The following ACSL1 variants were observed in gnomAD, a reference collection of about 807,000 sequenced individuals.
ACSL1 encodes the protein acyl-CoA synthetase long chain family member 1.
In ACSL1, 41 loss-of-function variants were observed where a neutral mutation model predicts 98.4. The observed-to-expected ratio is 0.42, with a 90% CI of 0.32 to 0.54. ACSL1 has a LOEUF of 0.54. ACSL1 is among the 20% of genes least tolerant of loss of function. ACSL1 has a pLI of 0.13. For synonymous variants in ACSL1, 316 were observed against 322.7 expected (o/e 0.98, Z 0.22); for missense variants, 734 against 883.1 (o/e 0.83, Z 2.14).
intron 1 of ACSL1, among the ~76,000 whole-genome samples, chr4:184,814,354 T>C (rs1192004234): frequency 6.7e-6 from 1 of 148,536 alleles, no homozygotes; most frequent in Non-Finnish European, 1.5e-5. Context: ...CTTTCCATCA[T>C]GAACATCATG....
Position 184,773,112 on chromosome 4 carries a change from C to T in ACSL1, c.884G>A (p.Ser295Asn). 1 of 1,614,038 alleles carries T rather than the reference C, an allele frequency of 6.2e-7. No individual in the cohort carries two copies. The highest frequency in any genetic ancestry group is 8.5e-7 in the Non-Finnish European group (1 of 1,179,898). ...GAMVTHRNIV[S>N]DCSAFVKATE... is the part of the protein sequence containing the mutation. Reference sequence around the variant, plus strand: ...TGCTTTCACAAAAGCTGAACAATCGCTCACTATGTTTCGGTGAGTGACCAT... The same window carrying T: ...TGCTTTCACAAAAGCTGAACAATCGTTCACTATGTTTCGGTGAGTGACCAT... The change falls in exon 10 of 21, where the codon AGC becomes AAC. Residue 295 changes from serine to asparagine, a missense_variant. Coordinates refer to ENST00000281455, the MANE Select transcript of ACSL1 (RefSeq NM_001995.5). The surrounding 1 kb of genome is among the most constrained non-coding windows in gnomAD (Gnocchi z 4.3).
At chr4:184,767,818 C>A (rs773243480) in intron 12 of ACSL1, among the ~76,000 whole-genome samples, 1 of 152,228 alleles carries the variant, frequency 6.6e-6, no homozygotes, top group Non-Finnish European at 1.5e-5. Context: ...ATGATACCCA[C>A]CGCAGAGGGG....
Position 184,778,329 on chromosome 4 carries a change from T to G in ACSL1, c.478-1346A>C, listed in dbSNP as rs536688314. 6.6e-5 allele frequency among the ~76,000 whole-genome samples: 10 copies of G among 152,362 alleles called. 1 individual carries two copies. The highest frequency in any genetic ancestry group is 3.4e-3 in the Middle Eastern group (1 of 294). On this transcript the variant is annotated intron_variant, in intron 5 of 20. Coordinates refer to ENST00000281455, the MANE Select transcript of ACSL1 (RefSeq NM_001995.5). ...TCCACTTGGCCTGGAACTAGGCTTC[T>G]GAGTTTCGGTTTTTTCCCAGAAGGA...
rs1427444210 is a variant in ACSL1, at chr4:184,788,865, T to TTA, written c.196-135_196-134insTA. On this transcript the variant is annotated intron_variant, in intron 2 of 20. Transcript: ENST00000281455. The stretch of plus-strand genomic sequence containing the variant: ...TTATCTGTAGTGAGAACACTTAAAA[T>TTA]CTATTCTCTTAGTAATTTCAGGTAT... 135 of 658,730 alleles carry TTA rather than the reference T, an allele frequency of 2.0e-4. 1 individual carries two copies. In the African/African-American group the frequency reaches 2.2e-3, roughly 11 times the overall value. 40.8% of individuals were successfully genotyped at this position (658,730 alleles called of 1,614,324 possible). A position where few individuals can be genotyped will look rare whatever the true frequency, so the allele number is the denominator to read the frequency against.
chr4:184,802,518 C>G (rs754322020), intron 2 of ACSL1, among the ~76,000 whole-genome samples: 25 of 152,110 alleles, frequency 1.6e-4, no homozygotes, highest in South Asian at 2.1e-4. Flanking sequence ...ACAGAGAAAA[C>G]CAAAGAACAG....
rs1770809673 is a variant in ACSL1, at chr4:184,803,156, C to T, written c.195+164G>A. ...CATCTGTCCCTGTGCCTATATTTTG[C>T]CCTGTACCTCTATTTACCACCATCA... On this transcript the variant is annotated intron_variant, in intron 2 of 20. Transcript: ENST00000281455. The surrounding 1 kb of genome is among the most constrained non-coding windows in gnomAD (Gnocchi z 4.8). Among the ~76,000 whole-genome samples, 1 of 152,350 alleles carries T rather than the reference C, an allele frequency of 6.6e-6. No homozygotes were observed. Among genetic ancestry groups the T allele is most frequent in the Non-Finnish European group, 1.5e-5 (1 of 68,042 alleles).
At chr4:184,768,529 C>A in intron 11 of ACSL1, 79 bp from the exon 12 acceptor site, 1 of 1,519,144 alleles carries the variant, frequency 6.6e-7, no homozygotes, top group East Asian at 2.6e-5. Context: ...TCCAACATTT[C>A]AGTTTTAGCA....
At chr4:184,768,503 C>A (rs1484315574) in intron 11 of ACSL1, 53 bp from the exon 12 acceptor site, 22 of 1,572,398 alleles carry the variant, frequency 1.4e-5, no homozygotes, top group Middle Eastern at 3.3e-4. Flanking sequence ...AGGGGTTACA[C>A]AACATATGGA....
In ACSL1 at chr4:184,763,223, T is replaced by C; in HGVS notation, c.1465A>G (p.Ile489Val). Residue 489 changes from isoleucine (I) to valine (V), a missense_variant, in exon 16 of 21, where the codon ATA becomes GTA. Ile to Val is a conservative substitution (Grantham distance 29). Coordinates refer to ENST00000281455, the MANE Select transcript of ACSL1 (RefSeq NM_001995.5). ...HVGAPMPCNL[I>V]KLVDVEEMNY... The stretch of plus-strand genomic sequence containing the variant: ...ATTTCTTCCACATCAACAAGTTTTA[T>C]CAAATTGCACGGCATCGGGGCCCCA... 6.2e-7 allele frequency: 1 copy of C among 1,614,138 alleles called. No individual in the cohort carries two copies. Among genetic ancestry groups the C allele is most frequent in the South Asian group, 1.1e-5 (1 of 91,070 alleles).
rs893025585 is a variant in ACSL1 at position 184,786,736 on chromosome 4, C to T, written c.310+1881G>A. 3.4e-5 allele frequency among the ~76,000 whole-genome samples: 5 copies of T among 149,194 alleles called. No individual in the cohort carries two copies. In the Admixed American group the frequency reaches 3.4e-4, roughly 10 times the overall value. On this transcript the variant is annotated intron_variant, in intron 3 of 20. Coordinates refer to ENST00000281455, the MANE Select transcript of ACSL1 (RefSeq NM_001995.5). ...TGAGACGGAGTCTCGCTGTGTCACCCAGGCTGGAGTACAATGGTGCAATCC... is the reference window on the plus strand; with the variant it reads ...TGAGACGGAGTCTCGCTGTGTCACCTAGGCTGGAGTACAATGGTGCAATCC...
intron 2 of ACSL1, among the ~76,000 whole-genome samples, chr4:184,794,998 GA>G (rs1170018322): frequency 6.6e-6 from 1 of 151,598 alleles, no homozygotes; most frequent in Non-Finnish European, 1.5e-5. Context: ...CTCATCACCA[GA>G]AAAAAAATCA....
intron 18 of ACSL1, chr4:184,758,350 T>A (rs1161210323): frequency 5.8e-6 from 1 of 173,788 alleles, no homozygotes; most frequent in Non-Finnish European, 1.2e-5. Flanking sequence ...AGGCCAGGAG[T>A]TCGAGACCAG....
Position 184,756,996 on chromosome 4 carries a change from G to A in ACSL1, c.*129C>T, listed in dbSNP as rs570868050. The A allele has an allele frequency of 2.2e-5, 27 of 1,202,302 alleles. No individual in the cohort carries two copies. The Admixed American group carries it at 3.4e-4, about 15-fold the overall frequency. The allele number at this position is 1,202,302 out of a possible 1,614,324, so 74.5% of individuals were successfully genotyped here. Reference sequence around the variant, plus strand: ...CTAGCATTCCTATGAGAAGAACCCCGAATGGACAAGTCAAACACGAACGCT... The same window carrying A: ...CTAGCATTCCTATGAGAAGAACCCCAAATGGACAAGTCAAACACGAACGCT... On this transcript the variant is annotated 3_prime_UTR_variant, in exon 21 of 21. Transcript: ENST00000281455.
intron 2 of ACSL1, among the ~76,000 whole-genome samples, chr4:184,801,883 A>C (rs1770586647): frequency 6.6e-6 from 1 of 152,212 alleles, no homozygotes; most frequent in African/African-American, 2.4e-5. Context: ...GTGCCCCCAC[A>C]ATTTCTCATA....
chr4:184,760,639 T>A (rs1338913592), intron 17 of ACSL1, 139 bp from the exon 18 acceptor site: 1 of 1,287,824 alleles, frequency 7.8e-7, no homozygotes, highest in Non-Finnish European at 1.1e-6. Context: ...TCAGTTATGA[T>A]CCCATTTTAC....
intron 7 of ACSL1, 40 bp downstream of exon 7, chr4:184,776,444 G>C (rs762460814): frequency 5.7e-6 from 9 of 1,591,140 alleles, no homozygotes; most frequent in Non-Finnish European, 7.7e-6. Flanking sequence ...CACGGCCCCA[G>C]GGAAAGCCTT....
At chr4:184,764,142 G>A (rs1261829944) in intron 15 of ACSL1, among the ~76,000 whole-genome samples, 4 of 152,222 alleles carry the variant, frequency 2.6e-5, no homozygotes, top group Non-Finnish European at 5.9e-5. Context: ...TGACACAGAG[G>A]AAGCACAGAA....
intron 1 of ACSL1, among the ~76,000 whole-genome samples, chr4:184,804,538 G>A (rs570308095): frequency 6.6e-6 from 1 of 150,960 alleles, no homozygotes; most frequent in African/African-American, 2.4e-5. Context: ...CCGGGATCGT[G>A]CCACTGCACT....
At chr4:184,765,866 T>C (rs1202375127) in intron 14 of ACSL1, 25 bp downstream of exon 14, 1 of 1,604,574 alleles carries the variant, frequency 6.2e-7, no homozygotes, top group East Asian at 2.2e-5. Flanking sequence ...TGTGGGAGAA[T>C]CAGGCGCCGT....
Sources: gnomAD v4.1 joint callset for allele counts (sites outside exome capture counted in the v4.1 genomes callset) on GRCh38, gnomAD v4.1.1 for gene constraint, Gnocchi (gnomAD v3.1) non-coding constraint, MANE v1.5 for transcripts, NCBI Gene and HGNC (gene_info 2026-07-23, HGNC 2026-07-21) for gene names.